PM20D1: variants seen among roughly 807,000 people sequenced by gnomAD.
PM20D1 encodes N-fatty-acyl-amino acid synthase/hydrolase PM20D1.
PM20D1 carries 53 observed loss-of-function variants against 53.8 expected under a neutral mutation model. The ratio of observed to expected loss-of-function variants is 0.98; its 90% confidence interval spans 0.79 to 1.24. The LOEUF is 1.24. Ranked by LOEUF, PM20D1 falls within the 50% of genes most tolerant of loss-of-function variation. The pLI, the probability that PM20D1 is intolerant of heterozygous loss-of-function variation, is 0.00. For missense variants in PM20D1, 564 were observed against 616.8 expected (o/e 0.91, Z 0.91); for synonymous variants, 239 against 241.3 (o/e 0.99, Z 0.09).
At chr1:205,836,061 A>G (rs1656680800) in intron 10 of PM20D1, among the ~76,000 whole-genome samples, 1 of 151,984 alleles carries the variant, frequency 6.6e-6, no homozygotes, top group Non-Finnish European at 1.5e-5. Flanking sequence ...TTTTTAGTGG[A>G]GACGGGGTTT....
intron 11 of PM20D1, among the ~76,000 whole-genome samples, chr1:205,831,566 C>CTT (rs35289636): frequency 3.1e-5 from 4 of 127,866 alleles, no homozygotes; most frequent in African/African-American, 2.9e-5. Flanking sequence ...CGTCTCTCTC[C>CTT]TTTTTTTTTT....
intron 1 of PM20D1, 82 bp from the exon 2 acceptor site, chr1:205,848,053 C>A (rs986108120): frequency 7.5e-7 from 1 of 1,341,270 alleles, no homozygotes; most frequent in Non-Finnish European, 1.1e-6. Flanking sequence ...ACAAAAAGTT[C>A]TTTTGCCTTC....
intron 10 of PM20D1, among the ~76,000 whole-genome samples, chr1:205,837,529 G>T (rs1043709728): frequency 1.3e-5 from 2 of 152,228 alleles, no homozygotes; most frequent in Non-Finnish European, 2.9e-5. Context: ...GGGGCGGCCT[G>T]TGTTCCTGCT....
Position 205,832,616 on chromosome 1 carries a change from C to T in PM20D1, c.1267G>A (p.Val423Ile). The part of the protein sequence containing the change: ...RQTVQSVFPE[V>I]NITAPVTSIG... Reference sequence around the variant, plus strand: ...TCATTACCTGGGGCAGTAATATTGACTTCCGGGAAGACGGACTGTACGGTC... The same window carrying T: ...TCATTACCTGGGGCAGTAATATTGATTTCCGGGAAGACGGACTGTACGGTC... The change falls in exon 11 of 13, where the codon GTC becomes ATC. Residue 423 changes from valine (V) to isoleucine (I), a missense_variant. Physicochemically the swap from Val to Ile is conservative, Grantham distance 29. Coordinates refer to ENST00000367136, the MANE Select transcript of PM20D1 (RefSeq NM_152491.5). 1 of 1,614,194 alleles carries T rather than the reference C, an allele frequency of 6.2e-7. No individual in the cohort carries two copies. The highest frequency in any genetic ancestry group is 8.5e-7 in the Non-Finnish European group (1 of 1,180,028).
chr1:205,841,948 C>T (rs372994983), intron 8 of PM20D1, 59 bp from the exon 9 acceptor site: 69 of 1,459,522 alleles, frequency 4.7e-5, no homozygotes, highest in Non-Finnish European at 6.1e-5. Context: ...AAGGAAAGGG[C>T]GGAAACATTA....
chr1:205,847,006 C>CTTTTTTT (rs778538865), intron 2 of PM20D1, among the ~76,000 whole-genome samples: 5 of 44,672 alleles, frequency 1.1e-4, no homozygotes, highest in Non-Finnish European at 1.6e-4. Flanking sequence ...TCCTTCCTTT[C>CTTTTTTT]TTTTTTTTTT....
intron 12 of PM20D1, 22 bp from the exon 13 acceptor site, chr1:205,828,765 T>C: frequency 6.2e-7 from 1 of 1,613,358 alleles, no homozygotes; most frequent in South Asian, 1.1e-5. Flanking sequence ...AAGGTGCATT[T>C]AGGGAAGGAG....
intron 12 of PM20D1, among the ~76,000 whole-genome samples, chr1:205,828,978 G>C (rs747709910): frequency 6.6e-6 from 1 of 152,192 alleles, no homozygotes; most frequent in Non-Finnish European, 1.5e-5. Context: ...AACTCCTGGG[G>C]AGTCCAAAAT....
chr1:205,837,976 C>A (rs565967740), intron 10 of PM20D1, among the ~76,000 whole-genome samples: 1 of 152,264 alleles, frequency 6.6e-6, no homozygotes, highest in South Asian at 2.1e-4. Context: ...CCAGGGCTCA[C>A]ATTGGTCCTA....
intron 10 of PM20D1, among the ~76,000 whole-genome samples, chr1:205,837,151 T>C (rs1013457857): frequency 1.6e-4 from 24 of 152,252 alleles, no homozygotes; most frequent in Non-Finnish European, 1.5e-5. Context: ...ATGGGAATCT[T>C]GTCTGTCTTG....
Position 205,832,703 on chromosome 1 carries a change from A to T in PM20D1, c.1180T>A (p.Phe394Ile). 1 of 1,613,982 alleles carries T rather than the reference A, an allele frequency of 6.2e-7. No individual in the cohort carries two copies. The highest frequency in any genetic ancestry group is 8.5e-7 in the Non-Finnish European group (1 of 1,179,950). Reference protein sequence around the residue: ...NRVQFHVLSAFDPLPVSPSDD... With the variant: ...NRVQFHVLSAIDPLPVSPSDD... ...GAAGGGCTGACGGGGAGGGGGTCAA[A>T]GGCACTCAACACATGGAACTGGACT... The change falls in exon 11 of 13, where the codon TTT becomes ATT. Residue 394 changes from phenylalanine (F) to isoleucine (I), a missense_variant. Transcript: ENST00000367136.
chr1:205,845,672 C>A (rs1656939766), intron 2 of PM20D1, 115 bp from the exon 3 acceptor site: 1 of 816,526 alleles, frequency 1.2e-6, no homozygotes, highest in Non-Finnish European at 1.9e-6. Flanking sequence ...ATGCATCCTC[C>A]TTTAGGAAGC....
At chr1:205,837,199 C>T (rs1007442795) in intron 10 of PM20D1, among the ~76,000 whole-genome samples, 2 of 152,196 alleles carry the variant, frequency 1.3e-5, no homozygotes, top group African/African-American at 4.8e-5. Context: ...AATGTCTAGT[C>T]CACAGTAGCT....
Position 205,830,354 on chromosome 1 carries a change from GCTGT to G in PM20D1, c.1307_1310del (p.Asp436AlafsTer43), listed in dbSNP as rs764900887. 4 of 1,612,192 alleles carry G rather than the reference GCTGT, an allele frequency of 2.5e-6. No homozygotes were observed. The highest frequency in any genetic ancestry group is 1.1e-5 in the South Asian group (1 of 91,012). ...CAGTGGTGAGGTTTGTAAAGAATCG[GCTGT>G]CTGTGTTGCCAATAGAAGTAACTAG... On this transcript the variant is annotated frameshift_variant, in exon 12 of 13. Transcript: ENST00000367136. LOFTEE classifies it high-confidence loss of function.
chr1:205,837,743 G>A (rs962012923), intron 10 of PM20D1, among the ~76,000 whole-genome samples: 1 of 152,142 alleles, frequency 6.6e-6, no homozygotes, highest in Admixed American at 6.5e-5. Flanking sequence ...CGGAAGGAAG[G>A]TCACTGTGGC....
At chr1:205,834,297 A>G (rs1462615602) in intron 10 of PM20D1, among the ~76,000 whole-genome samples, 2 of 152,108 alleles carry the variant, frequency 1.3e-5, no homozygotes, top group Non-Finnish European at 2.9e-5. Flanking sequence ...CTGGGACTAC[A>G]GGCATGCACC....
intron 12 of PM20D1, chr1:205,829,979 C>T (rs985062606): frequency 4.2e-5 from 12 of 282,974 alleles, no homozygotes; most frequent in African/African-American, 1.9e-4. Context: ...AGCCCTCTCC[C>T]AAAGAGAGGA....
intron 6 of PM20D1, among the ~76,000 whole-genome samples, chr1:205,843,081 A>G (rs1656854150): frequency 6.6e-6 from 1 of 152,000 alleles, no homozygotes; most frequent in South Asian, 2.1e-4. Context: ...ACTCCTTCCC[A>G]CTTTGCTAAG....
chr1:205,843,825 G>A (rs749547135), intron 5 of PM20D1, 39 bp from the exon 6 acceptor site: 2 of 1,603,394 alleles, frequency 1.2e-6, no homozygotes, highest in South Asian at 2.2e-5. Context: ...CTGACTTCTT[G>A]CCTCTCTGAA....
Sources: gnomAD v4.1 joint callset for allele counts (sites outside exome capture counted in the v4.1 genomes callset) on GRCh38, gnomAD v4.1.1 for gene constraint, MANE v1.5 for transcripts, NCBI Gene and HGNC (gene_info 2026-07-23, HGNC 2026-07-21) for gene names.